The following SLC2A8 variants were observed in gnomAD, a reference collection of about 807,000 sequenced individuals.
SLC2A8 encodes solute carrier family 2, facilitated glucose transporter member 8.
SLC2A8 carries 53 observed loss-of-function variants against 49.2 expected under a neutral mutation model. The ratio of observed to expected loss-of-function variants is 1.08; its 90% CI spans 0.86 to 1.35. SLC2A8 has a LOEUF of 1.35. Ranked by LOEUF, SLC2A8 falls within the 40% of genes most tolerant of loss-of-function variation. The probability of loss-of-function intolerance (pLI) is 0.00; values close to 1 mark genes in which losing one functional copy is unlikely to be tolerated. For synonymous variants in SLC2A8, 299 were observed against 297.0 expected (o/e 1.01, Z -0.07); for missense variants, 688 against 671.7 (o/e 1.02, Z -0.27).
intron 7 of SLC2A8, chr9:127,404,411 C>A: frequency 3.0e-6 from 1 of 328,732 alleles, no homozygotes; most frequent in Non-Finnish European, 5.6e-6. Flanking sequence ...CAGTCTCCCC[C>A]TCTGGGAAGT....
chr9:127,400,166 C>CTTTTTTTTTTTTTT (rs796202714), intron 4 of SLC2A8, among the ~76,000 whole-genome samples, 160 bp downstream of exon 4: 8,199 of 115,812 alleles, frequency 0.071, 719 homozygotes, highest in East Asian at 0.14. Context: ...ATAGGTGAGT[C>CTTTTTTTTTTTTTT]TTTTTTTTTT....
Position 127,397,516 on chromosome 9 carries a change from ACGC to A in SLC2A8, c.205_207del (p.Ala69del). 1 of 1,429,174 alleles carries A rather than the reference ACGC, an allele frequency of 7.0e-7. No homozygotes were observed. Among genetic ancestry groups the A allele is most frequent in the Non-Finnish European group, 9.1e-7 (1 of 1,102,504 alleles). The allele number at this position is 1,429,174 out of a possible 1,614,324, so 88.5% of individuals were successfully genotyped here. ...GCGCCCCCGGCCCCGCGCCTGGACG[ACGC>A]CGCCGCCTCCTGGTTCGGGGTGAGG... is the stretch of plus-strand genomic sequence containing the variant. On this transcript the variant is annotated inframe_deletion, in exon 2 of 10. Transcript: ENST00000373371.
In SLC2A8 at chr9:127,397,521, G is replaced by C; in HGVS notation, c.202G>C (p.Ala68Pro). ...CCCGGCCCCGCGCCTGGACGACGCC[G>C]CCGCCTCCTGGTTCGGGGTGAGGCC... The part of the protein sequence containing the change: ...APPAPRLDDA[A>P]ASWFGAVVTL... Residue 68 changes from alanine to proline, a missense_variant, in exon 2 of 10, where the codon GCC (alanine) becomes CCC (proline). Coordinates refer to ENST00000373371, the MANE Select transcript of SLC2A8 (RefSeq NM_014580.5). 7.0e-7 allele frequency: 1 copy of C among 1,423,424 alleles called. No individual in the cohort carries two copies. Among genetic ancestry groups the C allele is most frequent in the Non-Finnish European group, 9.1e-7 (1 of 1,099,806 alleles). The allele number at this position is 1,423,424 out of a possible 1,614,324, so 88.2% of individuals were successfully genotyped here.
chr9:127,404,765 C>T (rs940340567), intron 7 of SLC2A8, 53 bp from the exon 8 acceptor site: 21 of 1,559,924 alleles, frequency 1.3e-5, no homozygotes, highest in East Asian at 4.5e-5. Context: ...CATGCTGCTG[C>T]GCCCTGGGCC....
rs1034833456 is a variant in SLC2A8, at chr9:127,399,364, C to T, written c.427-543C>T. Reference sequence around the variant, plus strand: ...ACCGCCTCTCGTCATCATATGCAGCCCTCTCCGTTACCCTTAATCCCCTTT... The same window carrying T: ...ACCGCCTCTCGTCATCATATGCAGCTCTCTCCGTTACCCTTAATCCCCTTT... On this transcript the variant is annotated intron_variant, in intron 3 of 9. Coordinates refer to ENST00000373371, the MANE Select transcript of SLC2A8 (RefSeq NM_014580.5). The surrounding 1 kb of genome is among the most constrained non-coding windows in gnomAD (Gnocchi z 4.2). Among the ~76,000 whole-genome samples the T allele has an allele frequency of 6.6e-6, 1 of 152,134 alleles. No individual in the cohort carries two copies. Among genetic ancestry groups the T allele is most frequent in the Admixed American group, 6.5e-5 (1 of 15,278 alleles).
In SLC2A8 at chr9:127,404,030, G is replaced by T. The variant is rs1487721618; in HGVS notation, c.939G>T (p.Met313Ile). The T allele has an allele frequency of 2.5e-6, 4 of 1,605,090 alleles. No homozygotes were observed. The African/African-American group carries it at 4.0e-5, about 16-fold the overall frequency. ...VLFTAVAALI[M>I]DRAGRRLLLV... is the part of the protein sequence containing the mutation. ...TCACAGCTGTGGCGGCTCTCATCAT[G>T]GACAGAGCAGGGCGGAGGCTGCTCC... The change falls in exon 7 of 10, where the codon ATG becomes ATT. Residue 313 changes from methionine (M) to isoleucine (I), a missense_variant. Coordinates refer to ENST00000373371, the MANE Select transcript of SLC2A8 (RefSeq NM_014580.5).
chr9:127,397,936 G>A lies in SLC2A8; in HGVS notation c.251G>A (p.Gly84Glu), dbSNP rs745733061. 22 of 1,531,786 alleles carry A rather than the reference G, an allele frequency of 1.4e-5. No homozygotes were observed. Among genetic ancestry groups the A allele is most frequent in the Admixed American group, 3.9e-5 (2 of 50,876 alleles). 94.9% of individuals were successfully genotyped at this position (1,531,786 alleles called of 1,614,324 possible). The change falls in exon 3 of 10, where the codon GGA becomes GAA. Residue 84 changes from glycine (G) to glutamate (E), a missense_variant. Transcript: ENST00000373371. ...AVVTLGAAAG[G>E]VLGGWLVDRA... ...GTGACCCTGGGTGCCGCGGCGGGGG[G>A]AGTGCTGGGCGGCTGGCTGGTGGAC...
intron 5 of SLC2A8, chr9:127,403,218 A>T: frequency 6.3e-6 from 1 of 159,008 alleles, no homozygotes; most frequent in Non-Finnish European, 1.2e-5. Flanking sequence ...GGTGGGACTC[A>T]GTGGGGGAAA....
chr9:127,403,838 C>T (rs1833388074), intron 6 of SLC2A8, 35 bp downstream of exon 6: 1 of 1,606,714 alleles, frequency 6.2e-7, no homozygotes, highest in African/African-American at 1.3e-5. Flanking sequence ...CTCGTCCAGC[C>T]CCCACATAGA....
rs1833397926 is a variant in SLC2A8, at chr9:127,404,055, C to T, written c.964C>T (p.Leu322=). 6.3e-7 allele frequency: 1 copy of T among 1,595,262 alleles called. No individual in the cohort carries two copies. ...GGACAGAGCAGGGCGGAGGCTGCTC[C>T]TGGTCTTGTCAGGTGAGGGTTCACC... The part of the protein sequence containing the change: ...IMDRAGRRLL[L]VLSGVVMVFS... The change falls in exon 7 of 10, where the codon CTG becomes TTG. Residue 322 remains leucine (L), a synonymous_variant. Transcript: ENST00000373371.
In SLC2A8 at chr9:127,403,698, C is replaced by T. The variant is rs777426897; in HGVS notation, c.762C>T (p.Tyr254=). Residue 254 remains tyrosine, a synonymous_variant, in exon 6 of 10, where the codon TAC becomes TAT. Coordinates refer to ENST00000373371, the MANE Select transcript of SLC2A8 (RefSeq NM_014580.5). Reference sequence around the variant, plus strand: ...CCCTGCTGCGGCAGCCCGGCATCTACAAGCCCTTCATCATCGGCGTCTCCC... The same window carrying T: ...CCCTGCTGCGGCAGCCCGGCATCTATAAGCCCTTCATCATCGGCGTCTCCC... ...HLALLRQPGI[Y]KPFIIGVSLM... 1.9e-6 allele frequency: 3 copies of T among 1,612,948 alleles called. No homozygotes were observed. The highest frequency in any genetic ancestry group is 2.7e-5 in the African/African-American group (2 of 74,914).
intron 3 of SLC2A8, 60 bp downstream of exon 3, chr9:127,398,171 C>G: frequency 6.6e-7 from 1 of 1,508,982 alleles, no homozygotes; most frequent in Non-Finnish European, 9.0e-7. Flanking sequence ...GGGAGTGGGA[C>G]AAACCGCTCC....
chr9:127,405,766 T>C lies in SLC2A8; in HGVS notation c.1296+201T>C, dbSNP rs143352889. Among the ~76,000 whole-genome samples the C allele has an allele frequency of 2.9e-3, 437 of 152,316 alleles. 6 individuals are homozygous for C. The East Asian group carries it at 0.03, about 10-fold the overall frequency. ...GATGGGGAACCCAGGCTGTGACCCC[T>C]TGGGAGTCCTCTGCCTGTCTTGGCA... On this transcript the variant is annotated intron_variant, in intron 9 of 9. Coordinates refer to ENST00000373371, the MANE Select transcript of SLC2A8 (RefSeq NM_014580.5).
At position 127,407,552 on chromosome 9, in the gene SLC2A8, C is replaced by T; in HGVS notation, c.*303C>T. ...GGAGGTGGGCCTCTAGGATCTTTGTCTTCTGGCTGGAGGTGCTTTTGGAGG... is the reference window on the plus strand; with the variant it reads ...GGAGGTGGGCCTCTAGGATCTTTGTTTTCTGGCTGGAGGTGCTTTTGGAGG... On this transcript the variant is annotated 3_prime_UTR_variant, in exon 10 of 10. Coordinates refer to ENST00000373371, the MANE Select transcript of SLC2A8 (RefSeq NM_014580.5). The T allele has an allele frequency of 2.1e-6, 1 of 485,670 alleles. No homozygotes were observed. The highest frequency in any genetic ancestry group is 1.7e-5 in the South Asian group (1 of 59,906). 30.1% of individuals were successfully genotyped at this position (485,670 alleles called of 1,614,324 possible).
Position 127,399,079 on chromosome 9 carries a change from A to G in SLC2A8, c.427-828A>G, listed in dbSNP as rs1377125994. On this transcript the variant is annotated intron_variant, in intron 3 of 9. Transcript: ENST00000373371. The surrounding 1 kb of genome is among the most constrained non-coding windows in gnomAD (Gnocchi z 4.2). The stretch of plus-strand genomic sequence containing the variant: ...TAAGCTATGGAATAACCTTAGATGC[A>G]TGGGTGAGGGCCTGGTGGCCTGTGG... 6.6e-6 allele frequency among the ~76,000 whole-genome samples: 1 copy of G among 152,144 alleles called. No individual in the cohort carries two copies. Among genetic ancestry groups the G allele is most frequent in the Non-Finnish European group, 1.5e-5 (1 of 68,012 alleles).
chr9:127,402,249 A>C, intron 4 of SLC2A8: 1 of 338,404 alleles, frequency 3.0e-6, no homozygotes, highest in Non-Finnish European at 5.4e-6. Flanking sequence ...GTGCCACATC[A>C]TACCATGCGG....
Position 127,407,684 on chromosome 9 carries a change from G to A in SLC2A8, c.*435G>A, listed in dbSNP as rs909784357. 24 of 325,868 alleles carry A rather than the reference G, an allele frequency of 7.4e-5. No homozygotes were observed. Among genetic ancestry groups the A allele is most frequent in the Non-Finnish European group, 1.3e-4 (20 of 159,332 alleles). The allele number at this position is 325,868 out of a possible 1,614,324, so 20.2% of individuals were successfully genotyped here. ...CAGAAAATCAGGTCAGTGTCTCTGG[G>A]CTTTGTGCAAGCTCAGTTTGAAAAG... is the stretch of plus-strand genomic sequence containing the variant. On this transcript the variant is annotated 3_prime_UTR_variant, in exon 10 of 10. Coordinates refer to ENST00000373371, the MANE Select transcript of SLC2A8 (RefSeq NM_014580.5).
chr9:127,397,874 C>G lies in SLC2A8; in HGVS notation c.220-31C>G, dbSNP rs1317442546. The stretch of plus-strand genomic sequence containing the variant: ...GGGGGAGGATGGGCTGCGGCTTCGG[C>G]GCCCCCTCCTCAGCAGCCGCCCGCC... On this transcript the variant is annotated intron_variant, in intron 2 of 9. Coordinates refer to ENST00000373371, the MANE Select transcript of SLC2A8 (RefSeq NM_014580.5). 2.1e-6 allele frequency: 3 copies of G among 1,445,958 alleles called. No individual in the cohort carries two copies. The African/African-American group carries it at 4.4e-5, about 21-fold the overall frequency. The allele number at this position is 1,445,958 out of a possible 1,614,324, so 89.6% of individuals were successfully genotyped here.
At position 127,403,756 on chromosome 9, in the gene SLC2A8, G is replaced by A. The variant is rs143952990; in HGVS notation, c.820G>A (p.Ala274Thr). 224 of 1,613,216 alleles carry A rather than the reference G, an allele frequency of 1.4e-4. No individual in the cohort carries two copies. Among genetic ancestry groups the A allele is most frequent in the Middle Eastern group, 4.9e-4 (3 of 6,062 alleles). Residue 274 changes from alanine to threonine, a missense_variant, in exon 6 of 10, where the codon GCC becomes ACC. Coordinates refer to ENST00000373371, the MANE Select transcript of SLC2A8 (RefSeq NM_014580.5). ...CTTCCAGCAGCTGTCGGGGGTCAAC[G>A]CCGTCATGTTCTATGCAGAGACCAT... ...MAFQQLSGVN[A>T]VMFYAETIFE...
Sources: allele counts gnomAD v4.1 joint callset (sites outside exome capture counted in the v4.1 genomes callset), GRCh38; gene constraint gnomAD v4.1.1; non-coding constraint Gnocchi (gnomAD v3.1); transcripts MANE v1.5; gene names NCBI Gene and HGNC (gene_info 2026-07-23, HGNC 2026-07-21).